Variants in SNTB2 observed in about 807,000 individuals in gnomAD.
SNTB2 encodes the protein beta-2-syntrophin.
A neutral mutation model predicts 46.2 loss-of-function variants in SNTB2; 34 were observed. That is an observed-to-expected ratio of 0.74 (90% CI 0.56 to 0.98). The LOEUF (loss-of-function observed/expected upper bound fraction) is 0.98, where lower values mean the gene tolerates loss of function less well. Among genes scored for constraint, SNTB2 ranks in the 50% least tolerant of loss-of-function variants. The probability of loss-of-function intolerance (pLI) is 0.00; values close to 1 mark genes in which losing one functional copy is unlikely to be tolerated. For synonymous variants in SNTB2, 290 were observed against 312.6 expected, an observed-to-expected ratio of 0.93 and a Z score of 0.76; for missense variants, 603 against 731.4, an observed-to-expected ratio of 0.82 and a Z score of 2.02.
At chr16:69,222,215 A>G (rs1171193740) in intron 1 of SNTB2, among the ~76,000 whole-genome samples, 1 of 152,218 alleles carries the variant, frequency 6.6e-6, no homozygotes, top group Non-Finnish European at 1.5e-5. Context: ...GACGTACAAC[A>G]TAAAAAATAT....
At chr16:69,276,940 C>T (rs934883009) in intron 4 of SNTB2, among the ~76,000 whole-genome samples, 36 of 152,218 alleles carry the variant, frequency 2.4e-4, no homozygotes, top group African/African-American at 8.4e-4. Flanking sequence ...TTAATCTTGA[C>T]CCTTGAGTAT....
intron 1 of SNTB2, among the ~76,000 whole-genome samples, chr16:69,200,801 C>T (rs187443797): frequency 3.3e-5 from 5 of 152,248 alleles, no homozygotes; most frequent in African/African-American, 1.2e-4. Flanking sequence ...AGGTGTGAGC[C>T]ACCGAGTCTG....
chr16:69,235,632 G>A, intron 1 of SNTB2: 4 of 1,179,826 alleles, frequency 3.4e-6, no homozygotes, highest in Middle Eastern at 2.4e-4. Context: ...GCGGGAAGTG[G>A]GGAGCAGAAA....
At chr16:69,206,332 C>G (rs565148531) in intron 1 of SNTB2, among the ~76,000 whole-genome samples, 2 of 151,996 alleles carry the variant, frequency 1.3e-5, no homozygotes, top group Admixed American at 1.3e-4. Context: ...GTTTAGCGAT[C>G]ATTATTACTC....
chr16:69,274,045 G>A (rs969150890), intron 4 of SNTB2, among the ~76,000 whole-genome samples: 4 of 152,176 alleles, frequency 2.6e-5, no homozygotes, highest in African/African-American at 9.7e-5. Flanking sequence ...CAGGTGCAGT[G>A]GTTCACGCCT....
intron 1 of SNTB2, among the ~76,000 whole-genome samples, chr16:69,189,194 A>G (rs1964025361): frequency 6.6e-6 from 1 of 152,220 alleles, no homozygotes; most frequent in Non-Finnish European, 1.5e-5. Flanking sequence ...TATCCTATTT[A>G]TAAACCTTAT....
intron 1 of SNTB2, among the ~76,000 whole-genome samples, chr16:69,209,767 GT>G (rs1964260110): frequency 6.6e-6 from 1 of 152,090 alleles, no homozygotes. Context: ...TTCATGCTGA[GT>G]TTAAACTTAT....
intron 3 of SNTB2, among the ~76,000 whole-genome samples, chr16:69,266,357 C>G (rs1456146213): frequency 6.6e-6 from 1 of 151,794 alleles, no homozygotes; most frequent in East Asian, 1.9e-4. Flanking sequence ...GAGTGAGAGT[C>G]TATTGTAAAA....
chr16:69,220,383 G>A (rs950167850), intron 1 of SNTB2, among the ~76,000 whole-genome samples: 5 of 151,030 alleles, frequency 3.3e-5, no homozygotes, highest in East Asian at 3.9e-4. Context: ...GGATGGTCTC[G>A]ATCTCCTGAC....
At chr16:69,297,230 C>T (rs555921316) in intron 5 of SNTB2, among the ~76,000 whole-genome samples, 2 of 148,254 alleles carry the variant, frequency 1.3e-5, no homozygotes, top group East Asian at 3.9e-4. Flanking sequence ...TTGCTTGAAC[C>T]CGGGAGGCAG....
Position 69,239,693 on chromosome 16 carries a change from C to T in SNTB2, c.581-5909C>T, listed in dbSNP as rs112496362. 1.3e-3 allele frequency among the ~76,000 whole-genome samples: 205 copies of T among 152,230 alleles called. No homozygotes were observed. In the Middle Eastern group the frequency reaches 0.014, roughly 10 times the overall value. On this transcript the variant is annotated intron_variant, in intron 1 of 6. Transcript: ENST00000336278. ...CTGAGTAGCTGGGCTTACAGGCGTG[C>T]ACCACTATGCCTGGCTAATTTTTGT... is the stretch of plus-strand genomic sequence containing the variant.
At position 69,245,699 on chromosome 16, in the gene SNTB2, T is replaced by A; in HGVS notation, c.678T>A (p.Ser226Arg). The A allele has an allele frequency of 6.2e-7, 1 of 1,614,122 alleles. No homozygotes were observed. ...EGAAPQSPSF[S>R]GSEDSGSPKH... ...CAGCCCCCCAGTCACCAAGCTTTAG[T>A]GGCAGTGAGGACTCTGGTTCGCCAA... The change falls in exon 2 of 7, where the codon AGT becomes AGA. Residue 226 changes from serine (S) to arginine (R), a missense_variant. Around this residue, in one of 2 missense-constraint regions of SNTB2, gnomAD observed 537 missense variants for 692.4 expected, o/e 0.78. Coordinates refer to ENST00000336278, the MANE Select transcript of SNTB2 (RefSeq NM_006750.4).
chr16:69,273,973 T>G (rs898075257), intron 4 of SNTB2, among the ~76,000 whole-genome samples: 5 of 152,132 alleles, frequency 3.3e-5, no homozygotes, highest in African/African-American at 1.2e-4. Flanking sequence ...AATTATAATA[T>G]TTATTATTAA....
At chr16:69,287,624 G>T (rs796728649) in intron 5 of SNTB2, among the ~76,000 whole-genome samples, 3 of 152,096 alleles carry the variant, frequency 2.0e-5, no homozygotes, top group African/African-American at 7.2e-5. Flanking sequence ...CACTTTGGGA[G>T]ACTGAGGCAG....
intron 1 of SNTB2, among the ~76,000 whole-genome samples, chr16:69,244,861 C>A (rs1352125041): frequency 6.6e-6 from 1 of 152,200 alleles, no homozygotes; most frequent in Non-Finnish European, 1.5e-5. Context: ...ATCCATGGCT[C>A]ATTTGCCCTT....
chr16:69,259,036 T>A (rs900868581), intron 2 of SNTB2, among the ~76,000 whole-genome samples: 1 of 152,128 alleles, frequency 6.6e-6, no homozygotes, highest in Non-Finnish European at 1.5e-5. Flanking sequence ...CAGTTCCTTC[T>A]TTACAGTGTG....
chr16:69,280,707 G>C (rs989672778), intron 4 of SNTB2, among the ~76,000 whole-genome samples: 29 of 152,142 alleles, frequency 1.9e-4, no homozygotes, highest in Non-Finnish European at 2.8e-4. Context: ...TTATCGTTCA[G>C]TTTTAAGAGT....
chr16:69,290,820 G>C (rs1361857980), intron 5 of SNTB2, among the ~76,000 whole-genome samples: 2 of 152,146 alleles, frequency 1.3e-5, no homozygotes, highest in East Asian at 3.9e-4. Flanking sequence ...TATGGGAACT[G>C]GTGTTAGTAT....
intron 1 of SNTB2, among the ~76,000 whole-genome samples, chr16:69,239,405 C>T (rs1964588667): frequency 6.6e-6 from 1 of 152,124 alleles, no homozygotes; most frequent in Non-Finnish European, 1.5e-5. Flanking sequence ...TGGACACATA[C>T]ATAAATTCTT....
Sources: gnomAD v4.1 joint callset for allele counts (sites outside exome capture counted in the v4.1 genomes callset) on GRCh38, gnomAD v4.1.1 for gene constraint, gnomAD v4.1.1 regional missense constraint, MANE v1.5 for transcripts, NCBI Gene and HGNC (gene_info 2026-07-23, HGNC 2026-07-21) for gene names.